Variants in ACSL3 observed in about 807,000 individuals in gnomAD.
ACSL3 encodes fatty acid CoA ligase Acsl3.
Under a neutral mutation model 84.7 loss-of-function variants are expected in ACSL3, and 34 were observed. That is an observed-to-expected ratio of 0.40 (90% CI 0.31 to 0.53). The LOEUF is 0.53. ACSL3 is among the 20% of genes least tolerant of loss of function. The probability of loss-of-function intolerance (pLI) is 0.48; values close to 1 mark genes in which losing one functional copy is unlikely to be tolerated. For missense variants in ACSL3, 680 were observed against 873.1 expected, an observed-to-expected ratio of 0.78 and a Z score of 2.79; for synonymous variants, 315 against 299.4, an observed-to-expected ratio of 1.05 and a Z score of -0.54.
intron 1 of ACSL3, among the ~76,000 whole-genome samples, chr2:222,886,557 A>G (rs1039473527): frequency 3.3e-5 from 5 of 152,256 alleles, no homozygotes; most frequent in Non-Finnish European, 7.3e-5. Flanking sequence ...AAATAACTAT[A>G]TAATGACTGC....
intron 3 of ACSL3, among the ~76,000 whole-genome samples, chr2:222,901,856 A>G (rs1696159607): frequency 6.7e-6 from 1 of 149,654 alleles, no homozygotes; most frequent in Admixed American, 6.8e-5. Context: ...GAGGCAGGAG[A>G]ATCACTTGAA....
In ACSL3 at chr2:222,911,244, T is replaced by A. The variant is rs1334452487; in HGVS notation, c.378+2094T>A. Among the ~76,000 whole-genome samples, 7 of 152,226 alleles carry A rather than the reference T, an allele frequency of 4.6e-5. No individual in the cohort carries two copies. The East Asian group carries it at 1.4e-3, about 29-fold the overall frequency. ...TTGTGTTTTTAGTAGAGACAAGGTT[T>A]CTCCATGTTGGTCAGGCTGGTCTCG... On this transcript the variant is annotated intron_variant, in intron 4 of 16. Transcript: ENST00000357430.
chr2:222,938,562 T>C (rs765413407), intron 16 of ACSL3, among the ~76,000 whole-genome samples: 11 of 152,234 alleles, frequency 7.2e-5, no homozygotes, highest in Non-Finnish European at 1.2e-4. Context: ...TTTCTCTTGC[T>C]GCTTTCAAGA....
intron 1 of ACSL3, among the ~76,000 whole-genome samples, chr2:222,879,612 C>T (rs549486138): frequency 6.6e-6 from 1 of 152,362 alleles, no homozygotes; most frequent in African/African-American, 2.4e-5. Context: ...GCTTCTGTCT[C>T]TCTCCAATTC....
At chr2:222,939,599 A>T (rs1697254380) in intron 16 of ACSL3, among the ~76,000 whole-genome samples, 1 of 152,104 alleles carries the variant, frequency 6.6e-6, no homozygotes, top group Admixed American at 6.6e-5. Context: ...AGAATATTGG[A>T]TGTGTGTTCC....
intron 16 of ACSL3, among the ~76,000 whole-genome samples, 196 bp from the exon 17 acceptor site, chr2:222,941,301 C>G (rs990409132): frequency 4.0e-5 from 6 of 151,800 alleles, no homozygotes; most frequent in African/African-American, 1.5e-4. Flanking sequence ...ACTCATTTTC[C>G]TCTTGATGGG....
Position 222,943,110 on chromosome 2 carries a change from A to C in ACSL3, c.*1456A>C, listed in dbSNP as rs148723768. On this transcript the variant is annotated 3_prime_UTR_variant, in exon 17 of 17. Coordinates refer to ENST00000357430, the MANE Select transcript of ACSL3 (RefSeq NM_004457.5). Reference sequence around the variant, plus strand: ...CAAAAAAAAAAAAAACAAAAACAAAAAAAAAGATGAACCTAGGTCTGTGTA... The same window carrying C: ...CAAAAAAAAAAAAAACAAAAACAAACAAAAAGATGAACCTAGGTCTGTGTA... The C allele has an allele frequency of 1.1e-4, 16 of 151,148 alleles. 1 individual carries two copies. The highest frequency in any genetic ancestry group is 3.5e-3 in the Middle Eastern group (2 of 578). 9.4% of individuals were successfully genotyped at this position (151,148 alleles called of 1,614,324 possible). A position where few individuals can be genotyped will look rare whatever the true frequency, so the allele number is the denominator to read the frequency against.
intron 1 of ACSL3, among the ~76,000 whole-genome samples, chr2:222,883,269 C>G (rs920412190): frequency 6.6e-6 from 1 of 151,680 alleles, no homozygotes; most frequent in Non-Finnish European, 1.5e-5. Flanking sequence ...CAACCTCCCC[C>G]TCCCGGGTTC....
chr2:222,862,554 A>G (rs916240114), intron 1 of ACSL3, among the ~76,000 whole-genome samples: 6 of 152,162 alleles, frequency 3.9e-5, no homozygotes, highest in Admixed American at 1.3e-4. Flanking sequence ...GAAGGGTATT[A>G]TAGGGGACAG....
At position 222,932,653 on chromosome 2, in the gene ACSL3, C is replaced by T. The variant is rs528501055; in HGVS notation, c.1733-513C>T. On this transcript the variant is annotated intron_variant, in intron 14 of 16. Coordinates refer to ENST00000357430, the MANE Select transcript of ACSL3 (RefSeq NM_004457.5). ...CTGTTTTTCTTTTAAAAGCATGGGC[C>T]GGGCGCGGTGGCTCACGCCTGTAAT... Among the ~76,000 whole-genome samples the T allele has an allele frequency of 4.3e-4, 2 of 4,690 alleles. 1 individual carries two copies. Among genetic ancestry groups the T allele is most frequent in the Non-Finnish European group, 5.9e-4 (2 of 3,374 alleles). 3.1% of individuals were successfully genotyped at this position (4,690 alleles called of 152,430 possible). A position where few individuals can be genotyped will look rare whatever the true frequency, so the allele number is the denominator to read the frequency against.
intron 1 of ACSL3, among the ~76,000 whole-genome samples, chr2:222,882,761 G>GTTTT (rs71408540): frequency 0.29 from 34,108 of 119,312 alleles, 5,599 homozygotes; most frequent in East Asian, 0.39. Context: ...CCAGATCACT[G>GTTTT]TTTTTTTTTT....
chr2:222,909,639 C>T (rs6758680), intron 4 of ACSL3: 128,784 of 154,004 alleles, frequency 0.84, 54,213 homozygotes, highest in East Asian at 0.97. Flanking sequence ...AAGATGTTCT[C>T]AGAGGCAGTG....
chr2:222,900,124 C>T (rs1225042164), intron 2 of ACSL3, among the ~76,000 whole-genome samples: 4 of 152,244 alleles, frequency 2.6e-5, no homozygotes, highest in African/African-American at 4.8e-5. Flanking sequence ...AAATAAGATG[C>T]GGTTGTCCAA....
chr2:222,940,524 A>G (rs1287872180), intron 16 of ACSL3, among the ~76,000 whole-genome samples: 1 of 151,498 alleles, frequency 6.6e-6, no homozygotes, highest in Non-Finnish European at 1.5e-5. Context: ...TGCAGCATAT[A>G]ATGAAGTTTC....
intron 4 of ACSL3, 55 bp from the exon 5 acceptor site, chr2:222,916,260 GTTTC>G: frequency 8.6e-7 from 1 of 1,158,394 alleles, no homozygotes; most frequent in Non-Finnish European, 1.2e-6. Context: ...CGATATTCTG[GTTTC>G]TTCTGTAAAT....
At chr2:222,934,445 A>G in intron 15 of ACSL3, 85 bp from the exon 16 acceptor site, 1 of 1,155,388 alleles carries the variant, frequency 8.7e-7, no homozygotes, top group Non-Finnish European at 1.1e-6. Flanking sequence ...ATGAGGAGTT[A>G]TTTACTACTT....
intron 11 of ACSL3, among the ~76,000 whole-genome samples, chr2:222,925,772 A>G (rs1696862122): frequency 1.3e-5 from 2 of 152,140 alleles, no homozygotes; most frequent in African/African-American, 2.4e-5. Flanking sequence ...TTGCTTTTAT[A>G]TTTATTTCAG....
chr2:222,878,884 G>T (rs997867073), intron 1 of ACSL3, among the ~76,000 whole-genome samples: 4 of 152,186 alleles, frequency 2.6e-5, no homozygotes, highest in African/African-American at 9.7e-5. Flanking sequence ...AGCCTGTACA[G>T]TTGGTCCTGT....
intron 7 of ACSL3, 72 bp from the exon 8 acceptor site, chr2:222,921,208 T>C: frequency 2.0e-6 from 3 of 1,486,014 alleles, no homozygotes; most frequent in Non-Finnish European, 2.8e-6. Flanking sequence ...TATTTGATGA[T>C]AATGAAAAGA....
Sources: gnomAD v4.1 joint callset for allele counts (sites outside exome capture counted in the v4.1 genomes callset) on GRCh38, gnomAD v4.1.1 for gene constraint, MANE v1.5 for transcripts, NCBI Gene and HGNC (gene_info 2026-07-23, HGNC 2026-07-21) for gene names.